FAM120A: variants seen among roughly 807,000 people sequenced by gnomAD.
The protein encoded by FAM120A is constitutive coactivator of PPAR-gamma-like protein 1.
A neutral mutation model predicts 109.7 loss-of-function variants in FAM120A; 15 were observed. That is an observed-to-expected ratio of 0.14 (90% confidence interval 0.09 to 0.21). The LOEUF (loss-of-function observed/expected upper bound fraction) is 0.21. Ranked by LOEUF, FAM120A falls within the 10% of genes least tolerant of loss-of-function variation. The pLI, the probability that FAM120A is intolerant of heterozygous loss-of-function variation, is 1.00. For missense variants in FAM120A, 899 were observed against 1,439.3 expected (o/e 0.62, Z 6.07); for synonymous variants, 493 against 572.8 (o/e 0.86, Z 1.99).
intron 3 of FAM120A, among the ~76,000 whole-genome samples, chr9:93,488,943 C>T (rs1859190481): frequency 6.6e-6 from 1 of 151,630 alleles, no homozygotes; most frequent in Admixed American, 6.6e-5. Flanking sequence ...CTCATCATTC[C>T]CCTGTTTAGA....
Position 93,516,245 on chromosome 9 carries a change from A to T in FAM120A, c.1394A>T (p.Asp465Val). ...TCTACATCGTCATCTTCCGACAACG[A>T]CGAGGGCAGCGGAGGGGCGACAAAG... ...GSSTSSSSDN[D>V]EGSGGATNHI... Residue 465 changes from aspartate to valine, a missense_variant, in exon 7 of 18, where the codon GAC (aspartate) becomes GTC (valine). Around this residue, in one of 11 missense-constraint regions of FAM120A, gnomAD observed 31 missense variants for 71.8 expected, o/e 0.43. Coordinates refer to ENST00000277165, the MANE Select transcript of FAM120A (RefSeq NM_014612.5). 6 of 1,613,064 alleles carry T rather than the reference A, an allele frequency of 3.7e-6. No homozygotes were observed. Among genetic ancestry groups the T allele is most frequent in the Non-Finnish European group, 4.2e-6 (5 of 1,179,330 alleles).
At chr9:93,542,254 C>A (rs1193557442) in intron 10 of FAM120A, among the ~76,000 whole-genome samples, 1 of 152,164 alleles carries the variant, frequency 6.6e-6, no homozygotes, top group Non-Finnish European at 1.5e-5. Context: ...CAACACCAGG[C>A]CCCGCTTTGG....
chr9:93,550,402 C>T (rs1332371581), intron 11 of FAM120A, among the ~76,000 whole-genome samples, 175 bp from the exon 12 acceptor site: 3 of 152,186 alleles, frequency 2.0e-5, no homozygotes, highest in Non-Finnish European at 4.4e-5. Flanking sequence ...ATCCTGTTTT[C>T]ATTTGTAATG....
At chr9:93,542,190 T>C (rs747983337) in intron 10 of FAM120A, among the ~76,000 whole-genome samples, 14 of 152,032 alleles carry the variant, frequency 9.2e-5, no homozygotes, top group Non-Finnish European at 1.5e-4. Flanking sequence ...TGCACTGGAG[T>C]GTGTCAGCCA....
chr9:93,503,307 A>G lies in FAM120A; in HGVS notation c.1030+4421A>G, dbSNP rs191520292. Among the ~76,000 whole-genome samples the G allele has an allele frequency of 4.7e-4, 72 of 152,362 alleles. No homozygotes were observed. The Middle Eastern group carries it at 0.01, about 22-fold the overall frequency. ...ACAGATATTTAAAGCAACTTTATTC[A>G]TAATAGCCAACGCTTGGAGGCTACC... On this transcript the variant is annotated intron_variant, in intron 5 of 17. Transcript: ENST00000277165.
chr9:93,502,516 CAG>C (rs1859846221), intron 5 of FAM120A, among the ~76,000 whole-genome samples: 2 of 151,630 alleles, frequency 1.3e-5, no homozygotes, highest in Non-Finnish European at 2.9e-5. Context: ...AAAAATACCT[CAG>C]ATCTCTAAAC....
intron 17 of FAM120A, 89 bp downstream of exon 17, chr9:93,562,393 C>T: frequency 4.2e-6 from 4 of 949,304 alleles, no homozygotes; most frequent in Non-Finnish European, 6.7e-6. Context: ...TGCGCTCAGA[C>T]AGAAGAGCTG....
chr9:93,550,075 C>T (rs1053953742), intron 11 of FAM120A, among the ~76,000 whole-genome samples: 1 of 152,288 alleles, frequency 6.6e-6, no homozygotes, highest in East Asian at 1.9e-4. Context: ...GTCTGACTCC[C>T]GCTCACCTTG....
chr9:93,545,780 CTTTTTTTTTTTTTT>C (rs774150537), intron 11 of FAM120A, among the ~76,000 whole-genome samples: 25 of 65,494 alleles, frequency 3.8e-4, no homozygotes, highest in African/African-American at 1.3e-3. Flanking sequence ...GGAAAGACTC[CTTTTTTTTTTTTTT>C]TTTTTTTTTT....
rs150540487 is a variant in FAM120A, at chr9:93,479,430, G to T, written c.804+3092G>T. ...TAACTTCATAGAACACCAGCCCTCT[G>T]TGAACAATAATAAATTTGGCTTTGG... On this transcript the variant is annotated intron_variant, in intron 3 of 17. Transcript: ENST00000277165. Among the ~76,000 whole-genome samples the T allele has an allele frequency of 1.2e-4, 19 of 152,266 alleles. 1 individual carries two copies. Among genetic ancestry groups the T allele is most frequent in the Middle Eastern group, 3.4e-3 (1 of 294 alleles).
intron 17 of FAM120A, among the ~76,000 whole-genome samples, chr9:93,563,047 G>A (rs887976688): frequency 1.3e-5 from 2 of 152,170 alleles, no homozygotes; most frequent in African/African-American, 4.8e-5. Flanking sequence ...GGAGAAGGGT[G>A]CGTTAATATT....
chr9:93,521,355 T>C (rs891222276), intron 7 of FAM120A, among the ~76,000 whole-genome samples: 2 of 152,202 alleles, frequency 1.3e-5, no homozygotes, highest in Admixed American at 1.3e-4. Flanking sequence ...TGGTGGCTCA[T>C]GCTTTAATCC....
rs186138727 is a variant in FAM120A, at chr9:93,475,387, T to C, written c.722-869T>C. 3.4e-4 allele frequency among the ~76,000 whole-genome samples: 52 copies of C among 152,296 alleles called. 2 individuals are homozygous for C. Among genetic ancestry groups the C allele is most frequent in the African/African-American group, 1.2e-3 (51 of 41,560 alleles). ...TTGGACTACGGATGCTCAACCTATA[T>C]TATAACGTAGCAATATTCCAAATGG... On this transcript the variant is annotated intron_variant, in intron 2 of 17. Coordinates refer to ENST00000277165, the MANE Select transcript of FAM120A (RefSeq NM_014612.5).
intron 2 of FAM120A, among the ~76,000 whole-genome samples, chr9:93,475,502 G>T (rs923588476): frequency 5.9e-5 from 9 of 152,290 alleles, no homozygotes; most frequent in African/African-American, 1.9e-4. Context: ...AAAAATCATG[G>T]TTATTTAGGA....
At chr9:93,493,159 C>T (rs1859407200) in intron 3 of FAM120A, among the ~76,000 whole-genome samples, 1 of 152,188 alleles carries the variant, frequency 6.6e-6, no homozygotes, top group African/African-American at 2.4e-5. Context: ...AAAATGTCCA[C>T]CTCCCTAAAT....
intron 15 of FAM120A, among the ~76,000 whole-genome samples, chr9:93,559,207 C>T (rs945897078): frequency 6.6e-6 from 1 of 152,164 alleles, no homozygotes; most frequent in Non-Finnish European, 1.5e-5. Flanking sequence ...TGTAGATTCC[C>T]AGTGCTTCTC....
At chr9:93,557,325 T>G (rs1026257701) in intron 13 of FAM120A, among the ~76,000 whole-genome samples, 6 of 152,112 alleles carry the variant, frequency 3.9e-5, no homozygotes, top group Non-Finnish European at 8.8e-5. Context: ...AGACGGTGTT[T>G]TGCTATGTTG....
At chr9:93,520,190 A>C (rs1860787090) in intron 7 of FAM120A, among the ~76,000 whole-genome samples, 1 of 152,178 alleles carries the variant, frequency 6.6e-6, no homozygotes, top group Non-Finnish European at 1.5e-5. Context: ...TTTTAAATGG[A>C]AAAAGATACA....
In FAM120A at chr9:93,500,328, G is replaced by C. The variant is rs977249904; in HGVS notation, c.1030+1442G>C. On this transcript the variant is annotated intron_variant, in intron 5 of 17. Coordinates refer to ENST00000277165, the MANE Select transcript of FAM120A (RefSeq NM_014612.5). This position sits in a 1 kb window ranked among gnomAD's most constrained non-coding sequence, Gnocchi z 4.6. ...TGAGCGCAGCCTCCTTTCTTGCCTT[G>C]CATGAACCAAGCTAGCTTCTGCCCT... Among the ~76,000 whole-genome samples, 1 of 152,194 alleles carries C rather than the reference G, an allele frequency of 6.6e-6. No homozygotes were observed. Among genetic ancestry groups the C allele is most frequent in the African/African-American group, 2.4e-5 (1 of 41,442 alleles).
Sources: allele counts gnomAD v4.1 joint callset (sites outside exome capture counted in the v4.1 genomes callset), GRCh38; gene constraint gnomAD v4.1.1; regional missense constraint gnomAD v4.1.1; non-coding constraint Gnocchi (gnomAD v3.1); transcripts MANE v1.5; gene names NCBI Gene and HGNC (gene_info 2026-07-23, HGNC 2026-07-21).